Variants in HDAC5 observed in about 807,000 individuals in gnomAD.
HDAC5 encodes histone deacetylase 5, also known as antigen NY-CO-9.
Under a neutral mutation model 133.3 loss-of-function variants are expected in HDAC5, and 25 were observed. The ratio of observed to expected loss-of-function variants is 0.19; its 90% CI spans 0.14 to 0.26. HDAC5 has a LOEUF of 0.26. HDAC5 is among the 10% of genes least tolerant of loss of function. The probability of loss-of-function intolerance (pLI) is 1.00; values close to 1 mark genes in which losing one functional copy is unlikely to be tolerated. For missense variants in HDAC5, 1,041 were observed against 1,460.5 expected (o/e 0.71, Z 4.68); for synonymous variants, 589 against 610.8 (o/e 0.96, Z 0.53).
intron 2 of HDAC5, 164 bp from the exon 3 acceptor site, chr17:44,110,964 A>G: frequency 1.6e-6 from 1 of 630,306 alleles, no homozygotes. Flanking sequence ...CCCTCAGGCC[A>G]CTGCCGACGG....
At chr17:44,087,800 G>A (rs2050741848) in intron 12 of HDAC5, 104 bp from the exon 13 acceptor site, 1 of 1,350,388 alleles carries the variant, frequency 7.4e-7, no homozygotes, top group Non-Finnish European at 9.7e-7. Context: ...CTTCCAGGTA[G>A]AGCTTCTATG....
chr17:44,079,461 G>A (rs1453504990), intron 23 of HDAC5, 184 bp from the exon 24 acceptor site: 1 of 533,184 alleles, frequency 1.9e-6, no homozygotes, highest in African/African-American at 1.9e-5. Context: ...CCAACATGGT[G>A]AAACCCCGTC....
chr17:44,087,805 T>G, intron 12 of HDAC5, 109 bp from the exon 13 acceptor site: 1 of 1,333,618 alleles, frequency 7.5e-7, no homozygotes, highest in Non-Finnish European at 9.9e-7. Context: ...AGGTAGAGCT[T>G]CTATGTGAAT....
At chr17:44,111,267 G>A (rs1188188242) in intron 2 of HDAC5, 2 of 296,994 alleles carry the variant, frequency 6.7e-6, no homozygotes, top group Non-Finnish European at 1.4e-5. Context: ...GACTGAAATA[G>A]CAGTTGGGGG....
rs905635065 is a variant in HDAC5, at chr17:44,123,521, C to T, written c.-207G>A. The T allele has an allele frequency of 1.5e-5, 6 of 393,316 alleles. No individual in the cohort carries two copies. Among genetic ancestry groups the T allele is most frequent in the African/African-American group, 8.3e-5 (4 of 48,104 alleles). The allele number at this position is 393,316 out of a possible 1,614,324, so 24.4% of individuals were successfully genotyped here. A position where few individuals can be genotyped will look rare whatever the true frequency, so the allele number is the denominator to read the frequency against. ...GCGCTCACCCGCTGCGGCTCGAGCT[C>T]CGGCTTCGCGGGCGGCGGCGGCAGC... On this transcript the variant is annotated 5_prime_UTR_variant, in exon 1 of 27. Coordinates refer to ENST00000682912, the MANE Select transcript of HDAC5 (RefSeq NM_005474.5).
intron 3 of HDAC5, among the ~76,000 whole-genome samples, chr17:44,097,995 G>A (rs891664193): frequency 2.0e-5 from 3 of 152,244 alleles, no homozygotes; most frequent in Non-Finnish European, 2.9e-5. Flanking sequence ...ATGCAGCCTC[G>A]TTCCCATGCA....
intron 1 of HDAC5, chr17:44,120,424 C>T (rs553677554): frequency 6.6e-6 from 1 of 152,344 alleles, no homozygotes; most frequent in Admixed American, 6.5e-5. Flanking sequence ...GATTGTTTCA[C>T]TCTACCCCGA....
At chr17:44,084,314 G>C (rs893231187) in intron 16 of HDAC5, among the ~76,000 whole-genome samples, 6 of 152,162 alleles carry the variant, frequency 3.9e-5, no homozygotes, top group Non-Finnish European at 8.8e-5. Context: ...CCGTGGAGGA[G>C]GGGAACAAAG....
chr17:44,108,152 G>A (rs79104098), intron 3 of HDAC5, among the ~76,000 whole-genome samples: 5,069 of 152,284 alleles, frequency 0.033, 117 homozygotes, highest in Middle Eastern at 0.075. Flanking sequence ...GAAGACCTCT[G>A]ATCGCTAAGA....
chr17:44,118,225 T>C (rs1057291747), intron 1 of HDAC5, among the ~76,000 whole-genome samples: 1 of 152,244 alleles, frequency 6.6e-6, no homozygotes. Flanking sequence ...TGCTTCTGTT[T>C]TGGTCTCCCA....
chr17:44,113,743 G>C (rs1220666731), intron 2 of HDAC5, among the ~76,000 whole-genome samples: 1 of 152,200 alleles, frequency 6.6e-6, no homozygotes, highest in East Asian at 1.9e-4. Context: ...GAATCTGAAG[G>C]AGGAAAAGAG....
intron 24 of HDAC5, 39 bp downstream of exon 24, chr17:44,079,105 C>A: frequency 6.3e-7 from 1 of 1,598,120 alleles, no homozygotes; most frequent in Non-Finnish European, 8.6e-7. Flanking sequence ...CCCCTCAGAC[C>A]TCTGGCCTGC....
intron 16 of HDAC5, 44 bp from the exon 17 acceptor site, chr17:44,083,898 C>G (rs201894340): frequency 6.5e-7 from 1 of 1,538,772 alleles, no homozygotes; most frequent in Admixed American, 1.7e-5. Context: ...TGGCCTCGGG[C>G]GGATCACCTG....
chr17:44,092,779 C>G lies in HDAC5; in HGVS notation c.669G>C (p.Gln223His), dbSNP rs2051022014. The change falls in exon 7 of 27, where the codon CAG becomes CAC. Residue 223 changes from glutamine (Q) to histidine (H), a missense_variant. Physicochemically the swap from Gln to His is conservative, Grantham distance 24. This residue lies in a region of HDAC5 where 56 missense variants were observed against 41.3 expected (regional missense o/e 1.36). Transcript: ENST00000682912. Reference sequence around the variant, plus strand: ...GGGGGCCGCTCTGGGGAGGGGAACTCTGGTCCAAAGAAGCATGGTGGGCTC... The same window carrying G: ...GGGGGCCGCTCTGGGGAGGGGAACTGTGGTCCAAAGAAGCATGGTGGGCTC... ...CWGAHHASLD[Q>H]SSPPQSGPPG... 2.4e-6 allele frequency: 2 copies of G among 846,716 alleles called. No individual in the cohort carries two copies. The highest frequency in any genetic ancestry group is 2.4e-5 in the South Asian group (1 of 41,798). 52.5% of individuals were successfully genotyped at this position (846,716 alleles called of 1,614,324 possible). A position where few individuals can be genotyped will look rare whatever the true frequency, so the allele number is the denominator to read the frequency against.
chr17:44,088,864 T>C (rs1422220324), intron 11 of HDAC5, among the ~76,000 whole-genome samples: 2 of 152,092 alleles, frequency 1.3e-5, no homozygotes, highest in Non-Finnish European at 2.9e-5. Context: ...TTTCCTTAAC[T>C]GAATAAACTG....
chr17:44,119,696 G>A (rs2052868063), intron 1 of HDAC5, among the ~76,000 whole-genome samples: 1 of 152,226 alleles, frequency 6.6e-6, no homozygotes, highest in Non-Finnish European at 1.5e-5. Context: ...GAGCCTCCCT[G>A]AGAAACAAAG....
In HDAC5 at chr17:44,088,512, G is replaced by A; in HGVS notation, c.1474C>T (p.Pro492Ser). The A allele has an allele frequency of 6.2e-7, 1 of 1,613,314 alleles. No homozygotes were observed. Among genetic ancestry groups the A allele is most frequent in the South Asian group, 1.1e-5 (1 of 91,016 alleles). The change falls in exon 12 of 27, where the codon CCC (proline) becomes TCC (serine). Residue 492 changes from proline (P) to serine (S), a missense_variant. Around this residue, in one of 9 missense-constraint regions of HDAC5, gnomAD observed 433 missense variants for 531.6 expected, o/e 0.81. Transcript: ENST00000682912. ...RTVGKLPRHR[P>S]LSRTQSSPLP... is the part of the protein sequence containing the mutation. ...GGTGAGGACTGAGTGCGGCTCAGGG[G>A]CCGATGCCGCGGGAGCTTGCCTACC...
Position 44,088,399 on chromosome 17 carries a change from T to C in HDAC5, c.1587A>G (p.Leu529=). ...TTTCCAGGCTCACCTTGCCCAGCTG[T>C]AGCTGCTGCTGCTTCTGCTTCTCCA... The part of the protein sequence containing the change: ...QFLEKQKQQQ[L]QLGKILTKTG... The change falls in exon 12 of 27, where the codon CTA becomes CTG. Residue 529 remains leucine, a synonymous_variant. Coordinates refer to ENST00000682912, the MANE Select transcript of HDAC5 (RefSeq NM_005474.5). The C allele has an allele frequency of 1.3e-6, 2 of 1,553,264 alleles. No individual in the cohort carries two copies. Among genetic ancestry groups the C allele is most frequent in the East Asian group, 2.4e-5 (1 of 41,168 alleles).
chr17:44,091,640 G>T, intron 10 of HDAC5, 60 bp downstream of exon 10: 1 of 1,509,296 alleles, frequency 6.6e-7, no homozygotes, highest in Non-Finnish European at 8.9e-7. Context: ...CCAGCTGGGG[G>T]CATGCAGGAC....
Sources: gnomAD v4.1 joint callset for allele counts (sites outside exome capture counted in the v4.1 genomes callset) on GRCh38, gnomAD v4.1.1 for gene constraint, gnomAD v4.1.1 regional missense constraint, MANE v1.5 for transcripts, NCBI Gene and HGNC (gene_info 2026-07-23, HGNC 2026-07-21) for gene names.